MDC1: variants seen among roughly 807,000 people sequenced by gnomAD.
The protein encoded by MDC1 is mediator of DNA damage checkpoint protein 1.
In MDC1, 81 loss-of-function variants were observed where a neutral mutation model predicts 142.5. The ratio of observed to expected loss-of-function variants is 0.57; its 90% CI spans 0.47 to 0.68. MDC1 has a LOEUF of 0.68. Among genes scored for constraint, MDC1 ranks in the 30% least tolerant of loss-of-function variants. The probability of loss-of-function intolerance (pLI) is 0.00; values close to 1 mark genes in which losing one functional copy is unlikely to be tolerated. For synonymous variants in MDC1, 797 were observed against 968.4 expected (o/e 0.82, Z 3.29); for missense variants, 2,119 against 2,547.9 (o/e 0.83, Z 3.62).
rs756241688 is a variant in MDC1 at position 30,712,851 on chromosome 6, G to A, written c.1091C>T (p.Pro364Leu). The change falls in exon 5 of 15, where the codon CCA becomes CTA. Residue 364 changes from proline (P) to leucine (L), a missense_variant. By Grantham distance (98) the Pro-to-Leu change is moderately conservative. Transcript: ENST00000376406. This position sits in a 1 kb window ranked among gnomAD's most constrained non-coding sequence, Gnocchi z 4.7. ...GCTCTCCTGCAGATGGGCCAGGCCTGGTGCTCCAGGACCCCTTGTACCTAC... is the reference window on the plus strand; with the variant it reads ...GCTCTCCTGCAGATGGGCCAGGCCTAGTGCTCCAGGACCCCTTGTACCTAC... ...HGVGTRGPGA[P>L]GLAHLQESQA... 8 of 1,613,040 alleles carry A rather than the reference G, an allele frequency of 5.0e-6. No individual in the cohort carries two copies. Among genetic ancestry groups the A allele is most frequent in the East Asian group, 2.2e-5 (1 of 44,890 alleles).
rs746794039 is a variant in MDC1, at chr6:30,707,415, G to A, written c.3053C>T (p.Ser1018Phe). The A allele has an allele frequency of 6.8e-6, 11 of 1,612,988 alleles. No individual in the cohort carries two copies. Among genetic ancestry groups the A allele is most frequent in the Non-Finnish European group, 9.3e-6 (11 of 1,180,038 alleles). Residue 1018 changes from serine to phenylalanine, a missense_variant, in exon 9 of 15, where the codon TCC becomes TTC. Ser to Phe is a radical substitution (Grantham distance 155). Coordinates refer to ENST00000376406, the MANE Select transcript of MDC1 (RefSeq NM_014641.3). ...NCKMPPAEKA[S>F]RIRAAEKVSR... ...AACCTTCTCAGCAGCTCTGATCCTG[G>A]AAGCCTTCTCAGCAGGTGGCATCTT...
intron 14 of MDC1, among the ~76,000 whole-genome samples, chr6:30,701,445 A>G (rs963184771): frequency 6.6e-6 from 1 of 152,188 alleles, no homozygotes; most frequent in African/African-American, 2.4e-5. Flanking sequence ...AATTTATTCA[A>G]GCTTTTACAA....
rs1474644294 is a variant in MDC1 at position 30,708,294 on chromosome 6, T to G, written c.2285A>C (p.Asp762Ala). The G allele has an allele frequency of 1.9e-6, 3 of 1,612,416 alleles. No homozygotes were observed. In the East Asian group the frequency reaches 6.7e-5, roughly 36 times the overall value. The change falls in exon 8 of 15, where the codon GAC becomes GCC. Residue 762 changes from aspartate (D) to alanine (A), a missense_variant. Asp to Ala is a moderately radical substitution (Grantham distance 126). Transcript: ENST00000376406. The stretch of plus-strand genomic sequence containing the variant: ...CGTGTCAAAAGGCTGGGTCTCAGAG[T>G]CCTCAGACTCTCTCAGACAGAATGG... ...TQPFCLRESE[D>A]SETQPFDTHL...
chr6:30,711,850 CTAGG>C lies in MDC1; in HGVS notation c.2068+20_2068+23del, dbSNP rs751838774. 4.6e-5 allele frequency: 71 copies of C among 1,542,596 alleles called. 1 individual carries two copies. Among genetic ancestry groups the C allele is most frequent in the Middle Eastern group, 1.7e-4 (1 of 5,720 alleles). On this transcript the variant is annotated intron_variant, in intron 5 of 14. Coordinates refer to ENST00000376406, the MANE Select transcript of MDC1 (RefSeq NM_014641.3). Reference sequence around the variant, plus strand: ...TAGAACCCTGGTTGATTTCAGAGGTCTAGGAAGGAAGGCCAGCACTTACCACCAT... The same window carrying C: ...TAGAACCCTGGTTGATTTCAGAGGTCAAGGAAGGCCAGCACTTACCACCAT...
rs148973631 is a variant in MDC1 at position 30,704,645 on chromosome 6, C to T, written c.4538G>A (p.Arg1513Gln). The T allele has an allele frequency of 3.0e-5, 48 of 1,604,492 alleles. No homozygotes were observed. Among genetic ancestry groups the T allele is most frequent in the African/African-American group, 5.5e-5 (4 of 72,086 alleles). The change falls in exon 10 of 15, where the codon CGG becomes CAG. Residue 1513 changes from arginine to glutamine, a missense_variant. Arg to Gln is a conservative substitution (Grantham distance 43, BLOSUM62 1). Coordinates refer to ENST00000376406, the MANE Select transcript of MDC1 (RefSeq NM_014641.3). ...DQPVTSEPTS[R>Q]TTRGRKNRSS... ...CCGATTTTTTCTTCCCCTAGTGGTC[C>T]GAGATGTGGGCTCAGAGGTGACAGG...
rs1325818721 is a variant in MDC1 at position 30,715,893 on chromosome 6, C to G, written c.-3-715G>C. ...TAGCTGGGTTAAGATTTTCAGATCT[C>G]CTTGAAACATACATAAGCATATATA... On this transcript the variant is annotated intron_variant, in intron 1 of 14. Coordinates refer to ENST00000376406, the MANE Select transcript of MDC1 (RefSeq NM_014641.3). The surrounding 1 kb of genome is among the most constrained non-coding windows in gnomAD (Gnocchi z 4.1). Among the ~76,000 whole-genome samples, 1 of 152,166 alleles carries G rather than the reference C, an allele frequency of 6.6e-6. No individual in the cohort carries two copies. Among genetic ancestry groups the G allele is most frequent in the Non-Finnish European group, 1.5e-5 (1 of 68,044 alleles).
intron 14 of MDC1, among the ~76,000 whole-genome samples, chr6:30,701,030 G>A (rs1319466725): frequency 1.4e-5 from 2 of 146,736 alleles, no homozygotes; most frequent in East Asian, 2.0e-4. Context: ...AGCCGAGATC[G>A]CGCCACTGCA....
In MDC1 at chr6:30,712,934, CTCT is replaced by C; in HGVS notation, c.1005_1007del (p.Glu336del). Reference sequence around the variant, plus strand: ...TGACAACTGGGGTTGCTGGGATCCTCTCTTCTTCCGCATCAGTGTCGCTGTCGA... The same window carrying C: ...TGACAACTGGGGTTGCTGGGATCCTCTCTTCCGCATCAGTGTCGCTGTCGA... On this transcript the variant is annotated inframe_deletion, in exon 5 of 15. Transcript: ENST00000376406. This position sits in a 1 kb window ranked among gnomAD's most constrained non-coding sequence, Gnocchi z 4.7. The C allele has an allele frequency of 1.2e-6, 2 of 1,613,092 alleles. No individual in the cohort carries two copies. Among genetic ancestry groups the C allele is most frequent in the Non-Finnish European group, 1.7e-6 (2 of 1,180,040 alleles).
Position 30,709,983 on chromosome 6 carries a change from A to G in MDC1, c.2221+1429T>C, listed in dbSNP as rs1002275512. On this transcript the variant is annotated intron_variant, in intron 7 of 14. Coordinates refer to ENST00000376406, the MANE Select transcript of MDC1 (RefSeq NM_014641.3). The surrounding 1 kb of genome is among the most constrained non-coding windows in gnomAD (Gnocchi z 4.2). ...TGCAACCTCTGCGTCTTAGGCAGCA[A>G]TCCTCCCATCTTAGCCTCCCGAGTA... Among the ~76,000 whole-genome samples the G allele has an allele frequency of 1.3e-5, 2 of 151,742 alleles. No individual in the cohort carries two copies. Among genetic ancestry groups the G allele is most frequent in the African/African-American group, 4.8e-5 (2 of 41,284 alleles).
In MDC1 at chr6:30,711,948, C is replaced by T; in HGVS notation, c.1994G>A (p.Gly665Glu). 1 of 1,563,664 alleles carries T rather than the reference C, an allele frequency of 6.4e-7. No individual in the cohort carries two copies. Among genetic ancestry groups the T allele is most frequent in the Non-Finnish European group, 8.6e-7 (1 of 1,157,360 alleles). The change falls in exon 5 of 15, where the codon GGA becomes GAA. Residue 665 changes from glycine to glutamate, a missense_variant. Transcript: ENST00000376406. ...CTCCCTTCCTGTGGGGACCTGGGCTCCCTCTCTCTGTGGCTGGGTGGATTC... is the reference window on the plus strand; with the variant it reads ...CTCCCTTCCTGTGGGGACCTGGGCTTCCTCTCTCTGTGGCTGGGTGGATTC... ...LGESTQPQRE[G>E]AQVPTGRERE... is the part of the protein sequence containing the mutation.
rs758858508 is a variant in MDC1 at position 30,712,513 on chromosome 6, T to C, written c.1429A>G (p.Ile477Val). Residue 477 changes from isoleucine to valine, a missense_variant, in exon 5 of 15, where the codon ATT becomes GTT. Ile to Val is a conservative substitution (Grantham distance 29). Coordinates refer to ENST00000376406, the MANE Select transcript of MDC1 (RefSeq NM_014641.3). This position sits in a 1 kb window ranked among gnomAD's most constrained non-coding sequence, Gnocchi z 4.7. ...REAVLKDHTK[I>V]RALVRAHSEK... ...GAATGTGCTCTAACAAGGGCTCTAATCTTTGTGTGATCCTTGAGGACAGCT... is the reference window on the plus strand; with the variant it reads ...GAATGTGCTCTAACAAGGGCTCTAACCTTTGTGTGATCCTTGAGGACAGCT... The C allele has an allele frequency of 6.2e-7, 1 of 1,613,038 alleles. No individual in the cohort carries two copies. The highest frequency in any genetic ancestry group is 1.1e-5 in the South Asian group (1 of 91,080).
Position 30,712,918 on chromosome 6 carries a change from G to A in MDC1, c.1024C>T (p.Pro342Ser). ...DAEEERIPAT[P>S]VVIPMKKRKI... is the part of the protein sequence containing the mutation. Reference sequence around the variant, plus strand: ...CTCTTCTTCATAGGAATGACAACTGGGGTTGCTGGGATCCTCTCTTCTTCC... The same window carrying A: ...CTCTTCTTCATAGGAATGACAACTGAGGTTGCTGGGATCCTCTCTTCTTCC... Residue 342 changes from proline (P) to serine (S), a missense_variant, in exon 5 of 15, where the codon CCA (proline) becomes TCA (serine). Physicochemically the swap from Pro to Ser is moderately conservative, Grantham distance 74 (BLOSUM62 -1). Coordinates refer to ENST00000376406, the MANE Select transcript of MDC1 (RefSeq NM_014641.3). The surrounding 1 kb of genome is among the most constrained non-coding windows in gnomAD (Gnocchi z 4.7). 1 of 1,613,006 alleles carries A rather than the reference G, an allele frequency of 6.2e-7. No individual in the cohort carries two copies. The highest frequency in any genetic ancestry group is 8.5e-7 in the Non-Finnish European group (1 of 1,180,032).
chr6:30,714,912 CT>C (rs1775446473), intron 2 of MDC1, 127 bp downstream of exon 2: 2 of 997,654 alleles, frequency 2.0e-6, no homozygotes, highest in East Asian at 5.1e-5. Flanking sequence ...GGCCCCATCT[CT>C]TCCATTCATG....
In MDC1 at chr6:30,712,612, G is replaced by C; in HGVS notation, c.1330C>G (p.Arg444Gly). The C allele has an allele frequency of 6.2e-7, 1 of 1,612,716 alleles. No individual in the cohort carries two copies. Among genetic ancestry groups the C allele is most frequent in the Non-Finnish European group, 8.5e-7 (1 of 1,179,902 alleles). Reference protein sequence around the residue: ...DMPQRVVLLQRSQTTTERDSD... With the variant: ...DMPQRVVLLQGSQTTTERDSD... ...TCTCTCTCAGTGGTGGTTTGGCTTC[G>C]CTGCAGAAGGACCACACGTTGGGGC... Residue 444 changes from arginine to glycine, a missense_variant, in exon 5 of 15, where the codon CGA (arginine) becomes GGA (glycine). Coordinates refer to ENST00000376406, the MANE Select transcript of MDC1 (RefSeq NM_014641.3). The surrounding 1 kb of genome is among the most constrained non-coding windows in gnomAD (Gnocchi z 4.7).
Position 30,711,414 on chromosome 6 carries a change from G to C in MDC1, c.2219C>G (p.Thr740Arg). ...LGPSHCSFQT[T>R]GTLDEPWEVL... Reference sequence around the variant, plus strand: ...GAGGAGGGAAGAGTTTCTTATACCTGTTGTCTGGAAGCTGCAATGGGAAGG... The same window carrying C: ...GAGGAGGGAAGAGTTTCTTATACCTCTTGTCTGGAAGCTGCAATGGGAAGG... Residue 740 changes from threonine (T) to arginine (R), a missense_variant and splice_region_variant, in exon 7 of 15, where the codon ACA (threonine) becomes AGA (arginine). Thr to Arg is a moderately conservative substitution (Grantham distance 71). Coordinates refer to ENST00000376406, the MANE Select transcript of MDC1 (RefSeq NM_014641.3). The C allele has an allele frequency of 6.2e-7, 1 of 1,612,628 alleles. No individual in the cohort carries two copies. Among genetic ancestry groups the C allele is most frequent in the Non-Finnish European group, 8.5e-7 (1 of 1,179,590 alleles).
rs780309444 is a variant in MDC1, at chr6:30,715,674, T to A, written c.-3-496A>T. 2.0e-5 allele frequency among the ~76,000 whole-genome samples: 3 copies of A among 152,180 alleles called. No homozygotes were observed. Among genetic ancestry groups the A allele is most frequent in the Non-Finnish European group, 2.9e-5 (2 of 68,034 alleles). ...CTTTTTTAGCCCATGCTTTTTATAC[T>A]TTTACCAGACCACCTCAGTTTGATC... On this transcript the variant is annotated intron_variant, in intron 1 of 14. Transcript: ENST00000376406. This position sits in a 1 kb window ranked among gnomAD's most constrained non-coding sequence, Gnocchi z 4.1.
At position 30,713,299 on chromosome 6, in the gene MDC1, T is replaced by G; in HGVS notation, c.643A>C (p.Asn215His). The G allele has an allele frequency of 3.1e-6, 5 of 1,610,932 alleles. No homozygotes were observed. Among genetic ancestry groups the G allele is most frequent in the Non-Finnish European group, 4.2e-6 (5 of 1,179,366 alleles). ...TCCACATCTGTGTCACTGTTCAAAT[T>G]GAAGGCAAAAGGCGGCCCAAGGCCG... ...LGGLGPPFAF[N>H]LNSDTDVEEG... is the part of the protein sequence containing the mutation. Residue 215 changes from asparagine to histidine, a missense_variant, in exon 5 of 15, where the codon AAT (asparagine) becomes CAT (histidine). By Grantham distance (68) the Asn-to-His change is moderately conservative (BLOSUM62 1). Coordinates refer to ENST00000376406, the MANE Select transcript of MDC1 (RefSeq NM_014641.3). The surrounding 1 kb of genome is among the most constrained non-coding windows in gnomAD (Gnocchi z 4.9).
In MDC1 at chr6:30,704,480, G is replaced by T. The variant is rs747772860; in HGVS notation, c.4703C>A (p.Pro1568His). 6.2e-7 allele frequency: 1 copy of T among 1,613,102 alleles called. No individual in the cohort carries two copies. The highest frequency in any genetic ancestry group is 8.5e-7 in the Non-Finnish European group (1 of 1,179,686). ...GRTNRSSVKTPESIVPIAPEL... is the reference protein window; with the variant it reads ...GRTNRSSVKTHESIVPIAPEL... ...AGGGGCTATAGGGACAATTGATTCA[G>T]GGGTCTTGACAGAGGACCTATTTGT... The change falls in exon 10 of 15, where the codon CCT (proline) becomes CAT (histidine). Residue 1568 changes from proline (P) to histidine (H), a missense_variant. Coordinates refer to ENST00000376406, the MANE Select transcript of MDC1 (RefSeq NM_014641.3).
Position 30,713,769 on chromosome 6 carries a change from TCTC to T in MDC1, c.517+31_517+33del. On this transcript the variant is annotated intron_variant, in intron 3 of 14. Transcript: ENST00000376406. This position sits in a 1 kb window ranked among gnomAD's most constrained non-coding sequence, Gnocchi z 4.9. ...GACAATTGTACACTCATTATTCCTGTCTCCTCATTCTCCCTGCCAATATACAAA... is the reference window on the plus strand; with the variant it reads ...GACAATTGTACACTCATTATTCCTGTCTCATTCTCCCTGCCAATATACAAA... The T allele has an allele frequency of 6.2e-7, 1 of 1,613,552 alleles. No individual in the cohort carries two copies. The highest frequency in any genetic ancestry group is 8.5e-7 in the Non-Finnish European group (1 of 1,179,588).
Sources: gnomAD v4.1 joint callset for allele counts (sites outside exome capture counted in the v4.1 genomes callset) on GRCh38, gnomAD v4.1.1 for gene constraint, Gnocchi (gnomAD v3.1) non-coding constraint, MANE v1.5 for transcripts, NCBI Gene and HGNC (gene_info 2026-07-23, HGNC 2026-07-21) for gene names.